DPP10: variants seen among roughly 807,000 people sequenced by gnomAD.
The protein encoded by DPP10 is dipeptidyl peptidase like 10.
Under a neutral mutation model 120.9 loss-of-function variants are expected in DPP10, and 33 were observed. The observed-to-expected ratio is 0.27, with a 90% CI of 0.21 to 0.37. The LOEUF (loss-of-function observed/expected upper bound fraction) is 0.37, where lower values mean the gene tolerates loss of function less well. DPP10 is among the 10% of genes least tolerant of loss of function. The pLI is 1.00. For missense variants in DPP10, 816 were observed against 942.8 expected, an observed-to-expected ratio of 0.87 and a Z score of 1.76; for synonymous variants, 337 against 326.1, an observed-to-expected ratio of 1.03 and a Z score of -0.36.
chr2:114,629,439 T>C (rs940362581), intron 1 of DPP10, among the ~76,000 whole-genome samples: 1 of 152,184 alleles, frequency 6.6e-6, no homozygotes, highest in East Asian at 1.9e-4. Flanking sequence ...GGCTTTAAGA[T>C]ACAAAGAGCT....
intron 1 of DPP10, among the ~76,000 whole-genome samples, chr2:114,911,947 G>A (rs1180399593): frequency 6.6e-6 from 1 of 152,112 alleles, no homozygotes; most frequent in Non-Finnish European, 1.5e-5. Flanking sequence ...GAGGCTCCAG[G>A]GGAAATATTT....
rs529674195 is a variant in DPP10, at chr2:115,622,466, G to T, written c.442-67221G>T. Among the ~76,000 whole-genome samples the T allele has an allele frequency of 1.1e-4, 16 of 147,298 alleles. No homozygotes were observed. In the East Asian group the frequency reaches 3.2e-3, roughly 29 times the overall value. Reference sequence around the variant, plus strand: ...GTTGTTTCCATTTTTGACTCTTAATGCTGCCATCCACGCAAAAGGTTTTTC... The same window carrying T: ...GTTGTTTCCATTTTTGACTCTTAATTCTGCCATCCACGCAAAAGGTTTTTC... On this transcript the variant is annotated intron_variant, in intron 5 of 25. Transcript: ENST00000410059.
In DPP10 at chr2:114,662,781, G is replaced by A. The variant is rs560024333; in HGVS notation, c.60+219943G>A. 2.7e-5 allele frequency among the ~76,000 whole-genome samples: 4 copies of A among 150,178 alleles called. No individual in the cohort carries two copies. In the East Asian group the frequency reaches 5.9e-4, roughly 22 times the overall value. On this transcript the variant is annotated intron_variant, in intron 1 of 25. Transcript: ENST00000410059. ...AGCCCACAGGGGCCCTGAAGTGCCAGGGGGGGACCTTGGGCCACCAGGAGC... is the reference window on the plus strand; with the variant it reads ...AGCCCACAGGGGCCCTGAAGTGCCAAGGGGGGACCTTGGGCCACCAGGAGC...
intron 1 of DPP10, among the ~76,000 whole-genome samples, chr2:115,210,625 C>A (rs557429458): frequency 2.0e-5 from 3 of 152,180 alleles, no homozygotes; most frequent in East Asian, 1.9e-4. Flanking sequence ...ACTAGTTTAC[C>A]ATCCCACCAA....
At chr2:115,418,040 G>A (rs1291585135) in intron 3 of DPP10, among the ~76,000 whole-genome samples, 1 of 152,194 alleles carries the variant, frequency 6.6e-6, no homozygotes, top group African/African-American at 2.4e-5. Flanking sequence ...TAAGGTTTAT[G>A]TAAGAAATCA....
chr2:114,866,134 A>AATAC (rs1348442102), intron 1 of DPP10, among the ~76,000 whole-genome samples: 2 of 151,102 alleles, frequency 1.3e-5, no homozygotes, highest in African/African-American at 4.8e-5. Context: ...TAAATAAATA[A>AATAC]ATAAATAAAT....
At chr2:114,669,691 T>C (rs983618998) in intron 1 of DPP10, among the ~76,000 whole-genome samples, 1 of 152,134 alleles carries the variant, frequency 6.6e-6, no homozygotes, top group Non-Finnish European at 1.5e-5. Context: ...TAATTTGTCA[T>C]TTGGGCTACC....
intron 1 of DPP10, among the ~76,000 whole-genome samples, chr2:115,062,414 T>G (rs911764655): frequency 1.3e-5 from 2 of 152,212 alleles, no homozygotes; most frequent in South Asian, 2.1e-4. Context: ...ATGTGTAGAA[T>G]GTGCAGGTTT....
chr2:115,333,434 A>G (rs1243908389), intron 2 of DPP10, among the ~76,000 whole-genome samples: 1 of 152,004 alleles, frequency 6.6e-6, no homozygotes, highest in African/African-American at 2.4e-5. Flanking sequence ...TTTAAGGTTA[A>G]TATTGTTATG....
At chr2:115,102,552 A>C (rs2048740598) in intron 1 of DPP10, among the ~76,000 whole-genome samples, 1 of 152,114 alleles carries the variant, frequency 6.6e-6, no homozygotes. Flanking sequence ...CTGGGACTAC[A>C]GGTGCCTGCC....
chr2:115,567,327 A>G (rs1368390653), intron 5 of DPP10, among the ~76,000 whole-genome samples: 3 of 151,934 alleles, frequency 2.0e-5, no homozygotes, highest in Admixed American at 6.6e-5. Flanking sequence ...CTTCTTTCCA[A>G]TTCTCACCCT....
At chr2:114,644,875 A>T (rs780541089) in intron 1 of DPP10, among the ~76,000 whole-genome samples, 101 of 152,066 alleles carry the variant, frequency 6.6e-4, no homozygotes, top group Non-Finnish European at 1.1e-3. Context: ...TGGGTAAAAA[A>T]AGATACTGGA....
At chr2:114,659,175 C>T (rs1379449340) in intron 1 of DPP10, among the ~76,000 whole-genome samples, 1 of 152,108 alleles carries the variant, frequency 6.6e-6, no homozygotes, top group Non-Finnish European at 1.5e-5. Flanking sequence ...CATAAATTAC[C>T]CAGTCTCAGG....
intron 1 of DPP10, among the ~76,000 whole-genome samples, chr2:115,298,497 G>T (rs186988000): frequency 3.4e-4 from 52 of 152,122 alleles, no homozygotes; most frequent in Admixed American, 6.6e-4. Context: ...TCCAATTTGA[G>T]TGTGCACAGG....
intron 1 of DPP10, among the ~76,000 whole-genome samples, chr2:114,843,198 C>T (rs971995765): frequency 1.4e-4 from 21 of 151,916 alleles, no homozygotes; most frequent in African/African-American, 5.1e-4. Flanking sequence ...AAAAATAATC[C>T]CAGGATGGTA....
intron 5 of DPP10, among the ~76,000 whole-genome samples, chr2:115,581,534 T>C (rs1332500590): frequency 6.6e-6 from 1 of 152,172 alleles, no homozygotes; most frequent in African/African-American, 2.4e-5. Flanking sequence ...CTCATGCTAC[T>C]ATACTCTGTT....
chr2:114,557,339 C>A (rs1240102450), intron 1 of DPP10, among the ~76,000 whole-genome samples: 1 of 152,130 alleles, frequency 6.6e-6, no homozygotes, highest in African/African-American at 2.4e-5. Context: ...GATGATCCAT[C>A]TGTCTCTGCA....
intron 1 of DPP10, among the ~76,000 whole-genome samples, chr2:114,878,987 A>G (rs1574401630): frequency 6.6e-6 from 1 of 152,222 alleles, no homozygotes; most frequent in Admixed American, 6.5e-5. Context: ...TGTGAAAGGT[A>G]TGGGATTTAA....
intron 5 of DPP10, among the ~76,000 whole-genome samples, chr2:115,637,902 G>A (rs1031382274): frequency 1.3e-5 from 2 of 152,046 alleles, no homozygotes; most frequent in African/African-American, 4.8e-5. Context: ...ACATTCTACT[G>A]GTATAACTCA....
Sources: gnomAD v4.1 joint callset for allele counts (sites outside exome capture counted in the v4.1 genomes callset) on GRCh38, gnomAD v4.1.1 for gene constraint, MANE v1.5 for transcripts, NCBI Gene and HGNC (gene_info 2026-07-23, HGNC 2026-07-21) for gene names.